LRP2: variants seen among roughly 807,000 people sequenced by gnomAD.
The protein encoded by LRP2 is LDL receptor related protein 2.
LRP2 carries 172 observed loss-of-function variants against 531.0 expected under a neutral mutation model. The ratio of observed to expected loss-of-function variants is 0.32; its 90% CI spans 0.29 to 0.37. LRP2 has a LOEUF of 0.37. LRP2 is among the 10% of genes least tolerant of loss of function. The pLI is 1.00. For missense variants in LRP2, 5,167 were observed against 5,868.3 expected, an observed-to-expected ratio of 0.88 and a Z score of 3.90; for synonymous variants, 1,992 against 2,027.6, an observed-to-expected ratio of 0.98 and a Z score of 0.47.
intron 76 of LRP2, among the ~76,000 whole-genome samples, chr2:169,135,379 G>A (rs1397459004): frequency 6.6e-6 from 1 of 152,186 alleles, no homozygotes; most frequent in Non-Finnish European, 1.5e-5. Context: ...CACTTTCACA[G>A]GATAGGAAGA....
intron 1 of LRP2, 145 bp from the exon 2 acceptor site, chr2:169,321,029 C>A: frequency 1.5e-6 from 1 of 664,888 alleles, no homozygotes; most frequent in Non-Finnish European, 2.7e-6. Context: ...AACATTCTCC[C>A]AATGATAATA....
intron 26 of LRP2, among the ~76,000 whole-genome samples, chr2:169,238,787 C>T (rs1689698579): frequency 1.3e-5 from 2 of 152,124 alleles, no homozygotes; most frequent in Non-Finnish European, 2.9e-5. Flanking sequence ...TTTAGCTTGG[C>T]ACAGACTCTC....
At chr2:169,168,450 T>C in intron 61 of LRP2, 89 bp downstream of exon 61, 1 of 1,511,280 alleles carries the variant, frequency 6.6e-7, no homozygotes, top group Non-Finnish European at 9.2e-7. Context: ...ATTGTACAAC[T>C]GCTCTCCAGG....
chr2:169,145,215 A>C (rs759763719), intron 70 of LRP2, among the ~76,000 whole-genome samples: 6 of 152,184 alleles, frequency 3.9e-5, no homozygotes, highest in Non-Finnish European at 5.9e-5. Context: ...CACACTGCTG[A>C]AGGATAAATT....
chr2:169,202,014 A>T, intron 43 of LRP2, 144 bp from the exon 44 acceptor site: 4 of 974,940 alleles, frequency 4.1e-6, no homozygotes, highest in Non-Finnish European at 6.1e-6. Flanking sequence ...ATGCAAAGTG[A>T]GATAACACTT....
At chr2:169,247,988 G>T (rs190138390) in intron 19 of LRP2, among the ~76,000 whole-genome samples, 1 of 152,126 alleles carries the variant, frequency 6.6e-6, no homozygotes, top group African/African-American at 2.4e-5. Flanking sequence ...TAATGACAGC[G>T]CTTAAATTGT....
chr2:169,349,848 A>G (rs1574280559), intron 1 of LRP2, among the ~76,000 whole-genome samples: 1 of 152,124 alleles, frequency 6.6e-6, no homozygotes, highest in East Asian at 1.9e-4. Context: ...ATTGATCTTA[A>G]TAAATATTAT....
Position 169,301,349 on chromosome 2 carries a change from T to C in LRP2, c.427+5932A>G, listed in dbSNP as rs566384312. Among the ~76,000 whole-genome samples, 5 of 152,004 alleles carry C rather than the reference T, an allele frequency of 3.3e-5. No homozygotes were observed. The South Asian group carries it at 8.3e-4, about 25-fold the overall frequency. On this transcript the variant is annotated intron_variant, in intron 4 of 78. Coordinates refer to ENST00000649046, the MANE Select transcript of LRP2 (RefSeq NM_004525.3). ...CCCTGCATGAGTGGTTTTTCCTTGA[T>C]GCTAATCCCATTAGAAGTAAAATGG...
intron 16 of LRP2, among the ~76,000 whole-genome samples, chr2:169,261,994 CA>C (rs1690575626): frequency 6.6e-6 from 1 of 151,276 alleles, no homozygotes; most frequent in Admixed American, 6.6e-5. Context: ...AGACAAAAAC[CA>C]CATGATTATC....
At chr2:169,235,364 C>T (rs956245550) in intron 29 of LRP2, among the ~76,000 whole-genome samples, 2 of 151,894 alleles carry the variant, frequency 1.3e-5, no homozygotes, top group Admixed American at 6.6e-5. Context: ...CTCAGCTTCC[C>T]GAATAGCTGA....
chr2:169,354,940 G>A (rs1042432501), intron 1 of LRP2, among the ~76,000 whole-genome samples: 2 of 152,170 alleles, frequency 1.3e-5, no homozygotes, highest in African/African-American at 4.8e-5. Context: ...AAGGACTAGT[G>A]CTTGGAAAAC....
At position 169,178,000 on chromosome 2, in the gene LRP2, C is replaced by T; in HGVS notation, c.10196G>A (p.Arg3399Gln). The T allele has an allele frequency of 3.1e-6, 5 of 1,613,812 alleles. No individual in the cohort carries two copies. Among genetic ancestry groups the T allele is most frequent in the Non-Finnish European group, 3.4e-6 (4 of 1,179,960 alleles). Residue 3399 changes from arginine (R) to glutamine (Q), a missense_variant, in exon 53 of 79, where the codon CGA becomes CAA. Arg to Gln is a conservative substitution (Grantham distance 43). Around this residue, in one of 6 missense-constraint regions of LRP2, gnomAD observed 1,129 missense variants for 1,362.7 expected, o/e 0.83. Coordinates refer to ENST00000649046, the MANE Select transcript of LRP2 (RefSeq NM_004525.3). ...CAGTGCCCCATCATACACCGTGTGT[C>T]GATGGTGGCCCTCCAAATCAGAGTA... ...IEYSDLEGHH[R>Q]HTVYDGALPH...
At position 169,282,897 on chromosome 2, in the gene LRP2, G is replaced by C. The variant is rs1683744349; in HGVS notation, c.1147C>G (p.Gln383Glu). Residue 383 changes from glutamine (Q) to glutamate (E), a missense_variant, in exon 10 of 79, where the codon CAG becomes GAG. Gln to Glu is a conservative substitution (Grantham distance 29, BLOSUM62 2). This residue lies in a region of LRP2 where 2,811 missense variants were observed against 3,058.0 expected (regional missense o/e 0.92). Transcript: ENST00000649046. ...CEEGYILERG[Q>E]YCKANDSFGE... ...CAGGAATCATTAGCTTTGCAATACT[G>C]TCCACGCTCCAAGATATACCCTTCT... 6.2e-7 allele frequency: 1 copy of C among 1,613,902 alleles called. No homozygotes were observed. Among genetic ancestry groups the C allele is most frequent in the African/African-American group, 1.3e-5 (1 of 74,932 alleles).
At chr2:169,329,953 C>T (rs1685222399) in intron 1 of LRP2, among the ~76,000 whole-genome samples, 1 of 152,234 alleles carries the variant, frequency 6.6e-6, no homozygotes, top group South Asian at 2.1e-4. Context: ...AGATGAGTGG[C>T]TGCATTAGAT....
chr2:169,318,653 C>A (rs1175393239), intron 3 of LRP2, 109 bp downstream of exon 3: 3 of 1,481,130 alleles, frequency 2.0e-6, no homozygotes, highest in Non-Finnish European at 2.8e-6. Flanking sequence ...TGATTTAAGG[C>A]CCTGCTCCAC....
rs13397109 is a variant in LRP2 at position 169,205,568 on chromosome 2, G to C, written c.7626C>G (p.Arg2542=). 0.068 allele frequency: 109,323 copies of C among 1,613,650 alleles called. 6,434 individuals carry two copies. The highest frequency in any genetic ancestry group is 0.31 in the African/African-American group (23,406 of 74,852). ...IERATLGGNF[R]VPIVNSSLVM... is the part of the protein sequence containing the mutation. ...CCAGACTGCTGTTCACAATGGGTAC[G>C]CGGAAGTTTCCTCCCAATGTGGCTC... Residue 2542 remains arginine, a synonymous_variant, in exon 41 of 79, where the codon CGC becomes CGG. Coordinates refer to ENST00000649046, the MANE Select transcript of LRP2 (RefSeq NM_004525.3).
intron 9 of LRP2, among the ~76,000 whole-genome samples, chr2:169,285,139 T>A (rs1683819264): frequency 7.0e-6 from 1 of 143,872 alleles, no homozygotes; most frequent in Non-Finnish European, 1.5e-5. Flanking sequence ...CAAGGGTTTA[T>A]GTGTACTAAG....
intron 22 of LRP2, among the ~76,000 whole-genome samples, chr2:169,243,893 C>T (rs866953784): frequency 6.6e-6 from 1 of 152,142 alleles, no homozygotes; most frequent in Non-Finnish European, 1.5e-5. Flanking sequence ...ACCAGCATGA[C>T]CCACATGCCT....
chr2:169,192,289 T>A (rs1372647774), intron 47 of LRP2, among the ~76,000 whole-genome samples: 1 of 152,190 alleles, frequency 6.6e-6, no homozygotes, highest in Non-Finnish European at 1.5e-5. Context: ...ATAAAATACA[T>A]TAGAATGGTC....
Sources: gnomAD v4.1 joint callset for allele counts (sites outside exome capture counted in the v4.1 genomes callset) on GRCh38, gnomAD v4.1.1 for gene constraint, gnomAD v4.1.1 regional missense constraint, MANE v1.5 for transcripts, NCBI Gene and HGNC (gene_info 2026-07-23, HGNC 2026-07-21) for gene names.